The following TRIM24 variants were observed in gnomAD, a reference collection of about 807,000 sequenced individuals.
The protein encoded by TRIM24 is tripartite motif containing 24.
In TRIM24, 29 loss-of-function variants were observed where a neutral mutation model predicts 123.9. That is an observed-to-expected ratio of 0.23 (90% CI 0.17 to 0.32). TRIM24 has a LOEUF of 0.32. Ranked by LOEUF, TRIM24 falls within the 10% of genes least tolerant of loss-of-function variation. The probability of loss-of-function intolerance (pLI) is 1.00; values close to 1 mark genes in which losing one functional copy is unlikely to be tolerated. For missense variants in TRIM24, 932 were observed against 1,295.3 expected (o/e 0.72, Z 4.31); for synonymous variants, 456 against 461.1 (o/e 0.99, Z 0.14).
In TRIM24 at chr7:138,585,972, G is replaced by A. The variant is rs759622249; in HGVS notation, c.*1021G>A. ...GAAAATGTGTTGTAGGATTTTGGGA[G>A]CAGGCAGCTGGGGGGAATTAATAGT... On this transcript the variant is annotated 3_prime_UTR_variant, in exon 19 of 19. Coordinates refer to ENST00000343526, the MANE Select transcript of TRIM24 (RefSeq NM_015905.3). The A allele has an allele frequency of 6.0e-6, 3 of 499,208 alleles. No homozygotes were observed. The Admixed American group carries it at 6.0e-5, about 10-fold the overall frequency. The allele number at this position is 499,208 out of a possible 1,614,324, so 30.9% of individuals were successfully genotyped here.
At chr7:138,474,550 A>G (rs1453002840) in intron 1 of TRIM24, among the ~76,000 whole-genome samples, 3 of 152,044 alleles carry the variant, frequency 2.0e-5, no homozygotes, top group African/African-American at 7.3e-5. Flanking sequence ...TAACACAGGT[A>G]TTTTATCCTG....
chr7:138,497,434 T>A (rs375259709), intron 1 of TRIM24, among the ~76,000 whole-genome samples: 58 of 137,510 alleles, frequency 4.2e-4, no homozygotes, highest in African/African-American at 1.6e-3. Context: ...AGAGTCTCGC[T>A]CTGTCTCCCA....
intron 10 of TRIM24, among the ~76,000 whole-genome samples, chr7:138,568,954 T>C (rs965505611): frequency 3.3e-5 from 5 of 152,122 alleles, no homozygotes; most frequent in African/African-American, 9.7e-5. Context: ...TATAATCAAT[T>C]TGCCTTTGCT....
At chr7:138,511,833 T>C (rs1796294010) in intron 2 of TRIM24, among the ~76,000 whole-genome samples, 1 of 151,936 alleles carries the variant, frequency 6.6e-6, no homozygotes, top group Admixed American at 6.6e-5. Flanking sequence ...CTCCCAACAG[T>C]CCCCCAGAGT....
At chr7:138,508,708 C>CGCGTGTGTGCGTGTGTGTGTGCGT (rs139423741) in intron 2 of TRIM24, among the ~76,000 whole-genome samples, 1 of 136,194 alleles carries the variant, frequency 7.3e-6, no homozygotes, top group Admixed American at 7.3e-5. Flanking sequence ...CGCGTGTGTG[C>CGCGTGTGTGCGTGTGTGTGTGCGT]GTGTGTGTGT....
rs140671478 is a variant in TRIM24, at chr7:138,501,757, C to T, written c.365-2533C>T. 8.1e-4 allele frequency among the ~76,000 whole-genome samples: 123 copies of T among 151,682 alleles called. No individual in the cohort carries two copies. In the East Asian group the frequency reaches 0.021, roughly 26 times the overall value. On this transcript the variant is annotated intron_variant, in intron 1 of 18. Transcript: ENST00000343526. ...AAAAAATTAGCCGGCTGTGGTGGCA[C>T]GTTGCCTGTAGTCCCAGCTACTTGG...
At chr7:138,515,428 CTTGTT>C (rs1796375141) in intron 3 of TRIM24, 69 bp downstream of exon 3, 1 of 1,525,442 alleles carries the variant, frequency 6.6e-7, no homozygotes, top group African/African-American at 1.4e-5. Context: ...CCTGTATTGA[CTTGTT>C]TTGACACATT....
At chr7:138,529,290 G>A (rs1228897897) in intron 6 of TRIM24, 60 bp downstream of exon 6, 1 of 890,710 alleles carries the variant, frequency 1.1e-6, no homozygotes, top group African/African-American at 1.7e-5. Context: ...AAAGTACTGT[G>A]AAGTAGAAAT....
intron 1 of TRIM24, among the ~76,000 whole-genome samples, chr7:138,493,463 G>T (rs1394616239): frequency 1.3e-5 from 2 of 152,168 alleles, no homozygotes; most frequent in African/African-American, 2.4e-5. Flanking sequence ...CGAAGTCTTT[G>T]TTCCTTGTTA....
chr7:138,475,112 A>G lies in TRIM24; in HGVS notation c.364+14200A>G, dbSNP rs113368051. Among the ~76,000 whole-genome samples, 1,297 of 152,306 alleles carry G rather than the reference A, an allele frequency of 8.5e-3. 8 individuals are homozygous for G. Among genetic ancestry groups the G allele is most frequent in the Non-Finnish European group, 0.013 (898 of 68,028 alleles). ...AATAGGCTCATTGATTGATTGTTTT[A>G]TAAAACTTAACCAGGGCATCAAGAG... On this transcript the variant is annotated intron_variant, in intron 1 of 18. Transcript: ENST00000343526.
chr7:138,585,042 A>G lies in TRIM24; in HGVS notation c.*91A>G. The G allele has an allele frequency of 6.2e-6, 7 of 1,132,964 alleles. No individual in the cohort carries two copies. Among genetic ancestry groups the G allele is most frequent in the Non-Finnish European group, 8.7e-6 (7 of 802,376 alleles). 70.2% of individuals were successfully genotyped at this position (1,132,964 alleles called of 1,614,324 possible). On this transcript the variant is annotated 3_prime_UTR_variant, in exon 19 of 19. Coordinates refer to ENST00000343526, the MANE Select transcript of TRIM24 (RefSeq NM_015905.3). ...AATTTAACATCACTACAAAAAGAAG[A>G]GTTTGTGACTATTCTCATCTCTGTT...
In TRIM24 at chr7:138,585,107, T is replaced by A; in HGVS notation, c.*156T>A. 1.9e-6 allele frequency: 1 copy of A among 533,412 alleles called. No individual in the cohort carries two copies. Among genetic ancestry groups the A allele is most frequent in the Non-Finnish European group, 3.2e-6 (1 of 315,916 alleles). The allele number at this position is 533,412 out of a possible 1,614,324, so 33.0% of individuals were successfully genotyped here. On this transcript the variant is annotated 3_prime_UTR_variant, in exon 19 of 19. Coordinates refer to ENST00000343526, the MANE Select transcript of TRIM24 (RefSeq NM_015905.3). Reference sequence around the variant, plus strand: ...GACTTTGATTTCCTTAATAGCCCATTTCTGTTAACCTCTTATCACTAAGAA... The same window carrying A: ...GACTTTGATTTCCTTAATAGCCCATATCTGTTAACCTCTTATCACTAAGAA...
chr7:138,530,734 C>G (rs1796714624), intron 6 of TRIM24, among the ~76,000 whole-genome samples: 1 of 151,902 alleles, frequency 6.6e-6, no homozygotes, highest in African/African-American at 2.4e-5. Flanking sequence ...TCCCAAAGTA[C>G]TGAGATTACA....
chr7:138,518,454 T>G (rs1369007898), intron 3 of TRIM24, among the ~76,000 whole-genome samples: 13 of 152,172 alleles, frequency 8.5e-5, no homozygotes, highest in Admixed American at 7.9e-4. Context: ...TTTATTCATA[T>G]TCTGATTTTT....
At chr7:138,499,637 G>T (rs866805128) in intron 1 of TRIM24, among the ~76,000 whole-genome samples, 1 of 152,112 alleles carries the variant, frequency 6.6e-6, no homozygotes, top group South Asian at 2.1e-4. Context: ...GAACAGAAAC[G>T]GAGGCTCTTC....
chr7:138,473,908 C>T (rs1194689467), intron 1 of TRIM24, among the ~76,000 whole-genome samples: 1 of 151,906 alleles, frequency 6.6e-6, no homozygotes, highest in African/African-American at 2.4e-5. Flanking sequence ...GTAGCTGGCA[C>T]CACAGGAATC....
chr7:138,553,465 CTG>C (rs1398552488), intron 8 of TRIM24, among the ~76,000 whole-genome samples: 5 of 152,204 alleles, frequency 3.3e-5, no homozygotes, highest in African/African-American at 1.2e-4. Context: ...TAATGAATAA[CTG>C]TATATTTTTA....
At chr7:138,516,565 G>A (rs1318743278) in intron 3 of TRIM24, among the ~76,000 whole-genome samples, 2 of 152,034 alleles carry the variant, frequency 1.3e-5, no homozygotes, top group East Asian at 3.9e-4. Flanking sequence ...ATGTTGGCCA[G>A]GCTGGTCTCG....
At chr7:138,545,163 CGTGT>C (rs3073156) in intron 7 of TRIM24, among the ~76,000 whole-genome samples, 65 of 149,476 alleles carry the variant, frequency 4.3e-4, no homozygotes, top group Middle Eastern at 6.8e-3. Context: ...ATAAAATCTG[CGTGT>C]GTGTGTGTGT....
Sources: gnomAD v4.1 joint callset for allele counts (sites outside exome capture counted in the v4.1 genomes callset) on GRCh38, gnomAD v4.1.1 for gene constraint, MANE v1.5 for transcripts, NCBI Gene and HGNC (gene_info 2026-07-23, HGNC 2026-07-21) for gene names.